The following TTC28 variants were observed in gnomAD, a reference collection of about 807,000 sequenced individuals.
TTC28 encodes tetratricopeptide repeat domain 28.
Under a neutral mutation model 198.0 loss-of-function variants are expected in TTC28, and 61 were observed. The ratio of observed to expected loss-of-function variants is 0.31; its 90% CI spans 0.25 to 0.38. The LOEUF is 0.38. Among genes scored for constraint, TTC28 ranks in the 10% least tolerant of loss-of-function variants. TTC28 has a pLI of 1.00. For missense variants in TTC28, 2,678 were observed against 3,164.0 expected (o/e 0.85, Z 3.69); for synonymous variants, 1,171 against 1,297.8 (o/e 0.90, Z 2.10).
intron 2 of TTC28, among the ~76,000 whole-genome samples, chr22:28,419,344 C>T (rs2047214591): frequency 6.6e-6 from 1 of 152,080 alleles, no homozygotes; most frequent in Non-Finnish European, 1.5e-5. Context: ...TTATAATATG[C>T]TTCTCATATT....
intron 6 of TTC28, among the ~76,000 whole-genome samples, chr22:28,131,579 A>C (rs1419658375): frequency 6.6e-6 from 1 of 152,212 alleles, no homozygotes; most frequent in African/African-American, 2.4e-5. Flanking sequence ...CAAAATTTGA[A>C]CAATGGTTTT....
At chr22:28,606,652 T>G (rs1420236769) in intron 2 of TTC28, among the ~76,000 whole-genome samples, 1 of 152,150 alleles carries the variant, frequency 6.6e-6, no homozygotes, top group Non-Finnish European at 1.5e-5. Context: ...TTTTAAAAAT[T>G]TATATGTGTG....
rs373292040 is a variant in TTC28 at position 27,995,215 on chromosome 22, C to T, written c.5244+920G>A. ...TCCCAGGCTGCATCGACGCTGCCCC[C>T]GGTCCTCCATCTTAACCATGGATGG... On this transcript the variant is annotated intron_variant, in intron 17 of 22. Transcript: ENST00000397906. 7.2e-5 allele frequency among the ~76,000 whole-genome samples: 11 copies of T among 152,298 alleles called. No individual in the cohort carries two copies. In the East Asian group the frequency reaches 7.7e-4, roughly 11 times the overall value.
chr22:28,293,487 G>A (rs1456902492), intron 5 of TTC28, among the ~76,000 whole-genome samples: 2 of 152,072 alleles, frequency 1.3e-5, no homozygotes. Flanking sequence ...GAGGAATGGG[G>A]AGATGTTGGT....
At chr22:27,987,242 A>G (rs919223887) in intron 21 of TTC28, among the ~76,000 whole-genome samples, 3 of 152,208 alleles carry the variant, frequency 2.0e-5, no homozygotes, top group African/African-American at 7.2e-5. Context: ...CTGGAACATC[A>G]ACTAAAGTCC....
intron 1 of TTC28, among the ~76,000 whole-genome samples, chr22:28,635,734 T>C (rs1419084971): frequency 3.3e-5 from 5 of 152,186 alleles, no homozygotes; most frequent in Non-Finnish European, 5.9e-5. Flanking sequence ...TTGATATATG[T>C]ATGCATTGTG....
intron 2 of TTC28, among the ~76,000 whole-genome samples, chr22:28,455,524 G>A (rs569355655): frequency 2.6e-5 from 4 of 151,974 alleles, no homozygotes; most frequent in Non-Finnish European, 4.4e-5. Flanking sequence ...GACCAGCCTG[G>A]CCAACATAGT....
chr22:28,338,836 A>G (rs1241059154), intron 2 of TTC28, among the ~76,000 whole-genome samples: 2 of 151,456 alleles, frequency 1.3e-5, no homozygotes, highest in Non-Finnish European at 2.9e-5. Flanking sequence ...TCTTCTCTCA[A>G]CTCGTCATTG....
intron 5 of TTC28, among the ~76,000 whole-genome samples, chr22:28,226,411 GTTCTCTTCTCTTCTT>G (rs1928342994): frequency 6.6e-6 from 1 of 151,914 alleles, no homozygotes; most frequent in Admixed American, 6.6e-5. Context: ...AGCTTTTTCT[GTTCTCTTCTCTTCTT>G]TTCTCTTCTC....
intron 2 of TTC28, among the ~76,000 whole-genome samples, chr22:28,496,457 T>G (rs1329333770): frequency 6.6e-6 from 1 of 151,870 alleles, no homozygotes; most frequent in Non-Finnish European, 1.5e-5. Flanking sequence ...AACCTTGGAG[T>G]CGCCACTGAC....
chr22:28,257,074 G>A (rs913201044), intron 5 of TTC28, among the ~76,000 whole-genome samples: 2 of 152,206 alleles, frequency 1.3e-5, no homozygotes, highest in African/African-American at 4.8e-5. Flanking sequence ...ACAAGAAAAT[G>A]ACTTGTATTA....
chr22:28,032,857 C>T (rs536269490), intron 12 of TTC28, among the ~76,000 whole-genome samples: 11 of 152,272 alleles, frequency 7.2e-5, no homozygotes, highest in African/African-American at 2.2e-4. Flanking sequence ...CTTCTAGCAT[C>T]GAAACAAATC....
chr22:28,651,503 C>T (rs916288066), intron 1 of TTC28, among the ~76,000 whole-genome samples: 1 of 152,182 alleles, frequency 6.6e-6, no homozygotes, highest in Non-Finnish European at 1.5e-5. Context: ...GCAGTCTCAA[C>T]CTCCCAGGTT....
chr22:28,149,170 T>C (rs1361796451), intron 6 of TTC28, among the ~76,000 whole-genome samples: 1 of 152,218 alleles, frequency 6.6e-6, no homozygotes, highest in Non-Finnish European at 1.5e-5. Flanking sequence ...TGTTGCTGTA[T>C]GGAATATTGT....
At chr22:28,328,599 C>G (rs1459219235) in intron 2 of TTC28, among the ~76,000 whole-genome samples, 7 of 150,958 alleles carry the variant, frequency 4.6e-5, no homozygotes, top group Non-Finnish European at 4.4e-5. Context: ...ACTAAAAATA[C>G]AAAAATTAGC....
chr22:28,287,961 A>T (rs931789317), intron 5 of TTC28, among the ~76,000 whole-genome samples: 2 of 152,212 alleles, frequency 1.3e-5, no homozygotes, highest in Non-Finnish European at 2.9e-5. Context: ...GCACTTTTTC[A>T]AGGAGTATCT....
At chr22:28,594,262 T>C (rs1394406039) in intron 2 of TTC28, among the ~76,000 whole-genome samples, 1 of 148,846 alleles carries the variant, frequency 6.7e-6, no homozygotes, top group Non-Finnish European at 1.5e-5. Flanking sequence ...TAATTATATT[T>C]ATTAATATAA....
intron 2 of TTC28, among the ~76,000 whole-genome samples, chr22:28,406,468 G>C (rs1340810080): frequency 6.6e-6 from 1 of 152,218 alleles, no homozygotes; most frequent in Non-Finnish European, 1.5e-5. Context: ...AGATGGGGAA[G>C]AGCCTGGCCC....
At chr22:28,164,587 A>T (rs1433227663) in intron 5 of TTC28, among the ~76,000 whole-genome samples, 5 of 152,210 alleles carry the variant, frequency 3.3e-5, no homozygotes, top group Non-Finnish European at 7.3e-5. Flanking sequence ...GAGGGTCCTG[A>T]CTGTTAGAAG....
Sources: allele counts gnomAD v4.1 joint callset (sites outside exome capture counted in the v4.1 genomes callset), GRCh38; gene constraint gnomAD v4.1.1; transcripts MANE v1.5; gene names NCBI Gene and HGNC (gene_info 2026-07-23, HGNC 2026-07-21).